CAPZB: variants seen among roughly 807,000 people sequenced by gnomAD.
CAPZB encodes the protein capping actin protein of muscle Z-line subunit beta.
CAPZB carries 2 observed loss-of-function variants against 38.1 expected under a neutral mutation model. The observed-to-expected ratio is 0.05, with a 90% CI of 0.02 to 0.17. CAPZB has a LOEUF of 0.17. Among genes scored for constraint, CAPZB ranks in the 10% least tolerant of loss-of-function variants. CAPZB has a pLI of 1.00. For synonymous variants in CAPZB, 107 were observed against 127.4 expected (o/e 0.84, Z 1.08); for missense variants, 161 against 334.2 (o/e 0.48, Z 4.04).
At position 19,448,996 on chromosome 1, in the gene CAPZB, C is replaced by A. The variant is rs2094505708; in HGVS notation, c.4-29246G>T. Reference sequence around the variant, plus strand: ...AAGAGGAAGTGGAAACATGACGTGACTAGGGACGCTGCCCCAGGCTGCTCG... The same window carrying A: ...AAGAGGAAGTGGAAACATGACGTGAATAGGGACGCTGCCCCAGGCTGCTCG... On this transcript the variant is annotated intron_variant, in intron 1 of 8. Coordinates refer to ENST00000264202, the MANE Select transcript of CAPZB (RefSeq NM_004930.5). 2.5e-6 allele frequency: 4 copies of A among 1,581,708 alleles called. No individual in the cohort carries two copies. In the Admixed American group the frequency reaches 5.4e-5, roughly 21 times the overall value.
At chr1:19,426,700 G>C (rs980459256) in intron 1 of CAPZB, among the ~76,000 whole-genome samples, 2 of 152,196 alleles carry the variant, frequency 1.3e-5, no homozygotes, top group Non-Finnish European at 2.9e-5. Context: ...CACTGTTCCA[G>C]CTTCAGCTAT....
At chr1:19,432,509 T>C (rs2094445602) in intron 1 of CAPZB, among the ~76,000 whole-genome samples, 1 of 152,240 alleles carries the variant, frequency 6.6e-6, no homozygotes, top group Non-Finnish European at 1.5e-5. Flanking sequence ...TTTAAGTGAA[T>C]TGATCTTTAT....
chr1:19,380,168 C>T (rs112423766), intron 3 of CAPZB, among the ~76,000 whole-genome samples: 1 of 152,176 alleles, frequency 6.6e-6, no homozygotes, highest in Admixed American at 6.5e-5. Flanking sequence ...ACCAGCCACC[C>T]GCAGGCAGCT....
At chr1:19,446,633 A>C (rs2094496875) in intron 1 of CAPZB, among the ~76,000 whole-genome samples, 1 of 151,798 alleles carries the variant, frequency 6.6e-6, no homozygotes, top group Non-Finnish European at 1.5e-5. Flanking sequence ...GGCAAAAAAA[A>C]CTGGAAATAA....
intron 1 of CAPZB, chr1:19,484,315 G>A (rs1357513706): frequency 6.3e-6 from 10 of 1,593,266 alleles, no homozygotes; most frequent in Non-Finnish European, 8.5e-6. Flanking sequence ...AGGGCCTGGT[G>A]GCCCCCCAAG....
chr1:19,341,157 G>A (rs1254317258), intron 8 of CAPZB, among the ~76,000 whole-genome samples: 1 of 152,180 alleles, frequency 6.6e-6, no homozygotes, highest in Non-Finnish European at 1.5e-5. Context: ...CAGGAGAAAC[G>A]CAGACATTTG....
At chr1:19,365,680 C>T (rs141009712) in intron 4 of CAPZB, among the ~76,000 whole-genome samples, 2 of 152,016 alleles carry the variant, frequency 1.3e-5, no homozygotes, top group African/African-American at 4.8e-5. Flanking sequence ...AAAAAACACA[C>T]AAAATTAGTC....
chr1:19,471,255 G>C (rs567512031), intron 1 of CAPZB, among the ~76,000 whole-genome samples: 5 of 152,302 alleles, frequency 3.3e-5, no homozygotes, highest in African/African-American at 1.2e-4. Flanking sequence ...TGGAAAAAGG[G>C]GGGATGATTA....
At chr1:19,407,981 G>C (rs1045302649) in intron 2 of CAPZB, among the ~76,000 whole-genome samples, 3 of 152,190 alleles carry the variant, frequency 2.0e-5, no homozygotes, top group Non-Finnish European at 4.4e-5. Flanking sequence ...CTTTGGGTGG[G>C]GGGCCGTGGC....
intron 1 of CAPZB, chr1:19,448,860 T>C: frequency 6.2e-7 from 1 of 1,612,914 alleles, no homozygotes; most frequent in Non-Finnish European, 8.5e-7. Flanking sequence ...TCACATCTTC[T>C]GGGCTGGCCA....
chr1:19,410,502 G>C (rs2094352783), intron 2 of CAPZB, among the ~76,000 whole-genome samples: 1 of 152,170 alleles, frequency 6.6e-6, no homozygotes, highest in African/African-American at 2.4e-5. Context: ...GGTGGTGGGG[G>C]GCTGCAATAG....
At chr1:19,403,794 G>C (rs2094315687) in intron 2 of CAPZB, among the ~76,000 whole-genome samples, 1 of 152,286 alleles carries the variant, frequency 6.6e-6, no homozygotes, top group South Asian at 2.1e-4. Context: ...AAGGTGGATG[G>C]CACTCTGTAA....
chr1:19,393,664 A>G (rs1219331870), intron 2 of CAPZB, among the ~76,000 whole-genome samples: 1 of 152,192 alleles, frequency 6.6e-6, no homozygotes, highest in Non-Finnish European at 1.5e-5. Context: ...AAAGAATAGA[A>G]TTGGGGGAAT....
intron 1 of CAPZB, among the ~76,000 whole-genome samples, chr1:19,447,968 C>T (rs929597453): frequency 6.6e-6 from 1 of 152,184 alleles, no homozygotes; most frequent in Non-Finnish European, 1.5e-5. Flanking sequence ...AAGCTTCCGT[C>T]AGTGTGAAGA....
Position 19,366,728 on chromosome 1 carries a change from C to T in CAPZB, c.330-9165G>A, listed in dbSNP as rs537252787. ...CAACAAACAAACAGAAACTCCCAAG[C>T]TCCATGACTGATTTTATGGCAAAGA... On this transcript the variant is annotated intron_variant, in intron 4 of 8. Coordinates refer to ENST00000264202, the MANE Select transcript of CAPZB (RefSeq NM_004930.5). Among the ~76,000 whole-genome samples the T allele has an allele frequency of 2.0e-5, 3 of 152,250 alleles. No homozygotes were observed. The East Asian group carries it at 5.8e-4, about 29-fold the overall frequency.
chr1:19,345,848 C>T (rs1001946728), intron 6 of CAPZB, among the ~76,000 whole-genome samples: 1 of 152,228 alleles, frequency 6.6e-6, no homozygotes, highest in African/African-American at 2.4e-5. Context: ...AACCCTTCCT[C>T]GCACCAGGGC....
chr1:19,386,842 G>T (rs1361835572), intron 2 of CAPZB, among the ~76,000 whole-genome samples: 1 of 152,180 alleles, frequency 6.6e-6, no homozygotes. Flanking sequence ...TTATACAGGG[G>T]ACAGTACCCA....
chr1:19,468,284 A>G (rs997593851), intron 1 of CAPZB, among the ~76,000 whole-genome samples: 1 of 152,180 alleles, frequency 6.6e-6, no homozygotes, highest in Non-Finnish European at 1.5e-5. Context: ...CTGCTTTTAT[A>G]ACAAAACAAA....
intron 2 of CAPZB, among the ~76,000 whole-genome samples, chr1:19,401,985 T>A (rs2094305613): frequency 6.6e-6 from 1 of 152,154 alleles, no homozygotes; most frequent in South Asian, 2.1e-4. Flanking sequence ...AACCAGTAAT[T>A]TAACTCTACT....
Sources: allele counts gnomAD v4.1 joint callset (sites outside exome capture counted in the v4.1 genomes callset), GRCh38; gene constraint gnomAD v4.1.1; transcripts MANE v1.5; gene names NCBI Gene and HGNC (gene_info 2026-07-23, HGNC 2026-07-21).